Variants in ZFHX3 observed in about 807,000 individuals in gnomAD.
ZFHX3 encodes zinc finger homeobox protein 3.
A neutral mutation model predicts 279.1 loss-of-function variants in ZFHX3; 42 were observed. The ratio of observed to expected loss-of-function variants is 0.15; its 90% CI spans 0.12 to 0.19. The LOEUF (loss-of-function observed/expected upper bound fraction) is 0.19. ZFHX3 is among the 10% of genes least tolerant of loss of function. The probability of loss-of-function intolerance (pLI) is 1.00; values close to 1 mark genes in which losing one functional copy is unlikely to be tolerated. For synonymous variants in ZFHX3, 2,293 were observed against 1,957.8 expected (o/e 1.17, Z -4.52); for missense variants, 4,981 against 4,754.0 (o/e 1.05, Z -1.40).
chr16:73,273,800 A>G (rs1393578968), intron 4 of ZFHX3, among the ~76,000 whole-genome samples: 4 of 152,176 alleles, frequency 2.6e-5, no homozygotes, highest in African/African-American at 9.7e-5. Context: ...CTTTTAAGGT[A>G]TATCTGCAAA....
intron 3 of ZFHX3, among the ~76,000 whole-genome samples, chr16:72,907,841 G>A (rs916695727): frequency 1.3e-5 from 2 of 151,776 alleles, no homozygotes; most frequent in African/African-American, 4.8e-5. Flanking sequence ...GTGCTACCAT[G>A]CCCAGCTAAT....
intron 1 of ZFHX3, among the ~76,000 whole-genome samples, chr16:73,822,604 A>G (rs928018819): frequency 3.9e-5 from 6 of 152,102 alleles, no homozygotes; most frequent in African/African-American, 9.7e-5. Context: ...CGGCATAGAT[A>G]CTGAAGGTTC....
Position 73,042,119 on chromosome 16 carries a change from G to A in ZFHX3, c.-50+5633C>T, listed in dbSNP as rs1037992830. Among the ~76,000 whole-genome samples, 6 of 152,182 alleles carry A rather than the reference G, an allele frequency of 3.9e-5. No homozygotes were observed. In the East Asian group the frequency reaches 1.2e-3, roughly 29 times the overall value. ...TTTATAGACTTTCAGGAGTTTAAAT[G>A]CTTCTGAAAAGCGATGTTTGCATAC... On this transcript the variant is annotated intron_variant, in intron 1 of 9. Coordinates refer to ENST00000268489, the MANE Select transcript of ZFHX3 (RefSeq NM_006885.4).
intron 3 of ZFHX3, among the ~76,000 whole-genome samples, chr16:73,338,565 C>T (rs1567454527): frequency 6.6e-6 from 1 of 151,992 alleles, no homozygotes; most frequent in African/African-American, 2.4e-5. Context: ...TACAGTATCC[C>T]GAAATATGAT....
chr16:73,328,836 G>T (rs1350363646), intron 3 of ZFHX3, among the ~76,000 whole-genome samples: 1 of 152,208 alleles, frequency 6.6e-6, no homozygotes, highest in African/African-American at 2.4e-5. Context: ...TAGGTTGAAA[G>T]CAAATATAAG....
upstream of ZFHX3, chr16:73,062,114 C>T (rs1305615080): frequency 6.6e-6 from 1 of 151,940 alleles, no homozygotes; most frequent in Non-Finnish European, 1.5e-5. Context: ...AATTCAGAAT[C>T]TAAATCTTTC....
intron 2 of ZFHX3, among the ~76,000 whole-genome samples, chr16:73,661,045 G>C (rs1449252311): frequency 1.3e-5 from 2 of 152,188 alleles, no homozygotes; most frequent in Middle Eastern, 6.3e-3. Context: ...TATGAGAGAT[G>C]CTTAAACTGC....
At chr16:73,787,769 C>CATTATACTCTATAAATTTA (rs1371489421) in intron 1 of ZFHX3, among the ~76,000 whole-genome samples, 12 of 150,856 alleles carry the variant, frequency 8.0e-5, no homozygotes, top group Non-Finnish European at 1.3e-4. Flanking sequence ...CTGGATAGGC[C>CATTATACTCTATAAATTTA]TACTCTATAA....
intron 7 of ZFHX3, among the ~76,000 whole-genome samples, chr16:73,129,458 C>T (rs1966634265): frequency 6.6e-6 from 1 of 151,068 alleles, no homozygotes; most frequent in South Asian, 2.1e-4. Context: ...TTCTCTGAGC[C>T]CATGAGACCA....
At chr16:73,271,073 T>G (rs1428786253) in intron 4 of ZFHX3, among the ~76,000 whole-genome samples, 1 of 152,014 alleles carries the variant, frequency 6.6e-6, no homozygotes, top group African/African-American at 2.4e-5. Context: ...ACCCCAGAGG[T>G]TGTGATTTAA....
chr16:73,847,418 A>C (rs1294803145), intron 1 of ZFHX3, among the ~76,000 whole-genome samples: 1 of 152,186 alleles, frequency 6.6e-6, no homozygotes, highest in Non-Finnish European at 1.5e-5. Context: ...CATTCCCATG[A>C]GAGGCTTGCT....
At chr16:73,774,554 G>T (rs766559075) in intron 1 of ZFHX3, among the ~76,000 whole-genome samples, 3 of 152,266 alleles carry the variant, frequency 2.0e-5, no homozygotes, top group Middle Eastern at 3.4e-3. Flanking sequence ...ATCCACTGAT[G>T]ATGCTAATCC....
chr16:73,533,356 A>T (rs908349457), intron 2 of ZFHX3, among the ~76,000 whole-genome samples: 1 of 149,532 alleles, frequency 6.7e-6, no homozygotes, highest in African/African-American at 2.5e-5. Context: ...TGCATAAACC[A>T]CTCATCCTCT....
chr16:72,954,759 G>A (rs909517655), intron 2 of ZFHX3, among the ~76,000 whole-genome samples: 9 of 152,138 alleles, frequency 5.9e-5, no homozygotes, highest in South Asian at 2.1e-4. Context: ...CAGCAGATCC[G>A]ACTGTACTAG....
chr16:72,906,977 C>T (rs957266532), intron 3 of ZFHX3, among the ~76,000 whole-genome samples: 4 of 152,280 alleles, frequency 2.6e-5, no homozygotes, highest in Non-Finnish European at 2.9e-5. Flanking sequence ...TTATGTGACG[C>T]GTGCACAGTG....
chr16:72,851,708 C>G (rs1270946425), intron 4 of ZFHX3, among the ~76,000 whole-genome samples: 1 of 152,108 alleles, frequency 6.6e-6, no homozygotes, highest in East Asian at 1.9e-4. Flanking sequence ...GCCCCTACCA[C>G]CACGGCTAAT....
intron 1 of ZFHX3, among the ~76,000 whole-genome samples, chr16:73,002,033 A>T (rs1963515032): frequency 6.6e-6 from 1 of 152,122 alleles, no homozygotes; most frequent in Non-Finnish European, 1.5e-5. Flanking sequence ...CCTAACAGTC[A>T]TGCCCCCAAA....
chr16:73,450,173 C>A (rs955899568), intron 3 of ZFHX3, among the ~76,000 whole-genome samples: 1 of 152,162 alleles, frequency 6.6e-6, no homozygotes, highest in African/African-American at 2.4e-5. Context: ...GGTGAAGGTA[C>A]CTTAAATCCA....
chr16:73,671,121 T>C (rs2052899918), intron 2 of ZFHX3, among the ~76,000 whole-genome samples: 1 of 152,218 alleles, frequency 6.6e-6, no homozygotes, highest in South Asian at 2.1e-4. Flanking sequence ...ATAACACTGA[T>C]CCACTTATGA....
Sources: allele counts gnomAD v4.1 joint callset (sites outside exome capture counted in the v4.1 genomes callset), GRCh38; gene constraint gnomAD v4.1.1; transcripts MANE v1.5; gene names NCBI Gene and HGNC (gene_info 2026-07-23, HGNC 2026-07-21).